The following CALR3 variants were observed in gnomAD, a reference collection of about 807,000 sequenced individuals.
CALR3 encodes calreticulin-3.
CALR3 carries 39 observed loss-of-function variants against 48.7 expected under a neutral mutation model. The ratio of observed to expected loss-of-function variants is 0.80; its 90% confidence interval spans 0.62 to 1.05. The LOEUF (loss-of-function observed/expected upper bound fraction) is 1.05, where lower values mean the gene tolerates loss of function less well. Ranked by LOEUF, CALR3 falls within the 50% of genes least tolerant of loss-of-function variation. The probability of loss-of-function intolerance (pLI) is 0.00; values close to 1 mark genes in which losing one functional copy is unlikely to be tolerated. For synonymous variants in CALR3, 185 were observed against 172.7 expected (o/e 1.07, Z -0.56); for missense variants, 449 against 474.7 (o/e 0.95, Z 0.50).
intron 4 of CALR3, 102 bp from the exon 5 acceptor site, chr19:16,484,217 G>A (rs1161468601): frequency 1.1e-5 from 13 of 1,145,006 alleles, no homozygotes; most frequent in East Asian, 1.0e-4. Flanking sequence ...TCACTCTGTC[G>A]CCCAGGTTGG....
At chr19:16,493,361 A>G (rs193274069) in intron 2 of CALR3, among the ~76,000 whole-genome samples, 6 of 152,204 alleles carry the variant, frequency 3.9e-5, no homozygotes, top group African/African-American at 1.2e-4. Context: ...GATCATGGTC[A>G]TTATCTATCA....
chr19:16,495,558 C>A (rs1159662331), intron 2 of CALR3, among the ~76,000 whole-genome samples, 193 bp downstream of exon 2: 16 of 95,324 alleles, frequency 1.7e-4, no homozygotes, highest in East Asian at 5.6e-4. Flanking sequence ...GGCTCCGTCT[C>A]AAAAAAAAAA....
In CALR3 at chr19:16,496,087, G is replaced by A. The variant is rs2093407959; in HGVS notation, c.43C>T (p.Arg15Ter). Residue 15 changes from arginine to a stop codon, truncating the protein, a stop_gained, in exon 1 of 9, where the codon CGA (arginine) becomes TGA (stop). Coordinates refer to ENST00000269881, the MANE Select transcript of CALR3 (RefSeq NM_145046.5). LOFTEE classifies it high-confidence loss of function. ...LVQLWAICML[R>*]VALATVYFQE... Reference sequence around the variant, plus strand: ...AAATAGACGGTAGCCAGCGCCACTCGCAGCATGCATATGGCCCAGAGCTGG... The same window carrying A: ...AAATAGACGGTAGCCAGCGCCACTCACAGCATGCATATGGCCCAGAGCTGG... 4.4e-6 allele frequency: 7 copies of A among 1,607,500 alleles called. No homozygotes were observed. The highest frequency in any genetic ancestry group is 5.1e-6 in the Non-Finnish European group (6 of 1,177,072).
Position 16,493,828 on chromosome 19 carries a change from A to G in CALR3, c.193+1923T>C, listed in dbSNP as rs929814579. ...CTGCAACCTCCGCCTCCTGGGTTCA[A>G]GTGATTCTCCTGCCTCAGCCTCTGA... is the stretch of plus-strand genomic sequence containing the variant. On this transcript the variant is annotated intron_variant, in intron 2 of 8. Coordinates refer to ENST00000269881, the MANE Select transcript of CALR3 (RefSeq NM_145046.5). Among the ~76,000 whole-genome samples the G allele has an allele frequency of 5.8e-4, 88 of 151,492 alleles. 1 individual carries two copies. Among genetic ancestry groups the G allele is most frequent in the Non-Finnish European group, 1.9e-4 (13 of 67,902 alleles).
chr19:16,490,605 T>A (rs1365215940), intron 2 of CALR3, 35 bp from the exon 3 acceptor site: 1 of 1,574,014 alleles, frequency 6.4e-7, no homozygotes, highest in South Asian at 1.1e-5. Flanking sequence ...GGATCAGGAA[T>A]GACGCTGCGC....
chr19:16,493,542 A>ATTTT (rs3032114), intron 2 of CALR3, among the ~76,000 whole-genome samples: 3 of 72,926 alleles, frequency 4.1e-5, no homozygotes, highest in Non-Finnish European at 8.0e-5. Context: ...TGAAGCTAGA[A>ATTTT]TTTTTTTTTT....
chr19:16,490,610 C>T (rs1167121355), intron 2 of CALR3, 40 bp from the exon 3 acceptor site: 6 of 1,555,770 alleles, frequency 3.9e-6, no homozygotes, highest in Non-Finnish European at 8.9e-7. Context: ...AGGAATGACG[C>T]TGCGCTAAGT....
chr19:16,491,854 T>C (rs1568487711), intron 2 of CALR3, among the ~76,000 whole-genome samples: 1 of 151,904 alleles, frequency 6.6e-6, no homozygotes, highest in Non-Finnish European at 1.5e-5. Flanking sequence ...CTTTTCTTTT[T>C]TCTTTTGAGA....
At chr19:16,480,413 G>A (rs147396404) in intron 8 of CALR3, among the ~76,000 whole-genome samples, 3 of 151,910 alleles carry the variant, frequency 2.0e-5, no homozygotes, top group Non-Finnish European at 2.9e-5. Context: ...TTAGCCGGAC[G>A]TGGTGGCATG....
chr19:16,479,813 T>C (rs1274879511), intron 8 of CALR3, among the ~76,000 whole-genome samples: 3 of 151,964 alleles, frequency 2.0e-5, no homozygotes, highest in Non-Finnish European at 4.4e-5. Context: ...GGGGTTATGC[T>C]TCCATGTGGC....
At chr19:16,492,183 A>G (rs754405507) in intron 2 of CALR3, among the ~76,000 whole-genome samples, 25 of 151,482 alleles carry the variant, frequency 1.7e-4, no homozygotes, top group Non-Finnish European at 2.2e-4. Flanking sequence ...GAGGCCAGGC[A>G]TGGTGGCTCA....
intron 7 of CALR3, among the ~76,000 whole-genome samples, chr19:16,481,688 G>C (rs377367514): frequency 3.3e-5 from 5 of 151,842 alleles, no homozygotes; most frequent in African/African-American, 1.2e-4. Context: ...TAGTAGAGAC[G>C]AAGTTTCACT....
At position 16,490,250 on chromosome 19, in the gene CALR3, G is replaced by A. The variant is rs557158544; in HGVS notation, c.397+117C>T. On this transcript the variant is annotated intron_variant, in intron 3 of 8. Transcript: ENST00000269881. ...CAATACTACTACAAACCTTGGATCC[G>A]ATATACTCAATACTACTACCTTCAC... 4.6e-5 allele frequency: 39 copies of A among 857,012 alleles called. No individual in the cohort carries two copies. The African/African-American group carries it at 5.1e-4, about 11-fold the overall frequency. The allele number at this position is 857,012 out of a possible 1,614,324, so 53.1% of individuals were successfully genotyped here.
Position 16,483,918 on chromosome 19 carries a change from A to T in CALR3, c.678+12T>A. On this transcript the variant is annotated intron_variant, in intron 5 of 8. Transcript: ENST00000269881. ...TGTGCACTTTTTAGAGTTGCCCAGG[A>T]AAAATTCACACCTGGGCTTTGTTGT... 1 of 1,613,424 alleles carries T rather than the reference A, an allele frequency of 6.2e-7. No homozygotes were observed. Among genetic ancestry groups the T allele is most frequent in the Non-Finnish European group, 8.5e-7 (1 of 1,179,656 alleles).
chr19:16,481,471 G>GT (rs71178696), intron 7 of CALR3, among the ~76,000 whole-genome samples: 2,174 of 79,616 alleles, frequency 0.027, 109 homozygotes, highest in Admixed American at 0.1. Flanking sequence ...GTCTCGCTCT[G>GT]TTTTTTTTTT....
rs1469956051 is a variant in CALR3, at chr19:16,479,135, A to G, written c.1151T>C (p.Leu384Pro). 3 of 1,614,030 alleles carry G rather than the reference A, an allele frequency of 1.9e-6. No homozygotes were observed. The highest frequency in any genetic ancestry group is 2.2e-5 in the South Asian group (2 of 91,080). The stretch of plus-strand genomic sequence containing the variant: ...CCTTATATCCAATGGGGATCACTAA[A>G]GTTCATTCCTTCTGTGAAATTGATT... ...YFNQFHRRNE[L>P] The change falls in exon 9 of 9, where the codon CTT becomes CCT. Residue 384 changes from leucine (L) to proline (P), a missense_variant. Physicochemically the swap from Leu to Pro is moderately conservative, Grantham distance 98 (BLOSUM62 -3). Coordinates refer to ENST00000269881, the MANE Select transcript of CALR3 (RefSeq NM_145046.5).
chr19:16,495,706 G>A, intron 2 of CALR3, 45 bp downstream of exon 2: 2 of 1,456,664 alleles, frequency 1.4e-6, no homozygotes, highest in Non-Finnish European at 1.9e-6. Context: ...AGGTTGCTAT[G>A]GAAATGTAAC....
intron 2 of CALR3, among the ~76,000 whole-genome samples, chr19:16,493,763 G>A (rs911231870): frequency 6.7e-6 from 1 of 148,744 alleles, no homozygotes; most frequent in African/African-American, 2.5e-5. Context: ...AGTCTTGCTC[G>A]GTTATCCAGG....
chr19:16,488,474 G>T (rs571476122), intron 3 of CALR3, among the ~76,000 whole-genome samples: 31 of 150,850 alleles, frequency 2.1e-4, no homozygotes, highest in Non-Finnish European at 4.1e-4. Context: ...GTGAGATCTC[G>T]GCTCACTGCA....
Sources: gnomAD v4.1 joint callset for allele counts (sites outside exome capture counted in the v4.1 genomes callset) on GRCh38, gnomAD v4.1.1 for gene constraint, MANE v1.5 for transcripts, NCBI Gene and HGNC (gene_info 2026-07-23, HGNC 2026-07-21) for gene names.